APP: variants seen among roughly 807,000 people sequenced by gnomAD.
APP encodes the protein amyloid-beta precursor protein.
In APP, 31 loss-of-function variants were observed where a neutral mutation model predicts 101.4. The ratio of observed to expected loss-of-function variants is 0.31; its 90% CI spans 0.23 to 0.41. The LOEUF is 0.41. APP is among the 10% of genes least tolerant of loss of function. The pLI, the probability that APP is intolerant of heterozygous loss-of-function variation, is 1.00. For missense variants in APP, 839 were observed against 1,003.7 expected, an observed-to-expected ratio of 0.84 and a Z score of 2.22; for synonymous variants, 366 against 364.4, an observed-to-expected ratio of 1.00 and a Z score of -0.05.
intron 11 of APP, among the ~76,000 whole-genome samples, chr21:25,974,309 A>T (rs1327851954): frequency 2.0e-5 from 3 of 152,134 alleles, no homozygotes; most frequent in Admixed American, 6.5e-5. Context: ...GTTACTTCTA[A>T]AATCCTTTGC....
intron 1 of APP, among the ~76,000 whole-genome samples, chr21:26,132,865 T>A (rs560340955): frequency 1.3e-5 from 2 of 152,328 alleles, no homozygotes; most frequent in East Asian, 3.9e-4. Flanking sequence ...GGGTAAGTGA[T>A]CTTCCTAGTG....
chr21:25,898,960 G>C (rs2038260925), intron 15 of APP, among the ~76,000 whole-genome samples: 1 of 152,168 alleles, frequency 6.6e-6, no homozygotes, highest in Admixed American at 6.5e-5. Flanking sequence ...GCCAGTCTAA[G>C]AGCACAGCCT....
intron 9 of APP, among the ~76,000 whole-genome samples, chr21:25,977,699 A>C (rs1042765624): frequency 6.6e-6 from 1 of 152,250 alleles, no homozygotes; most frequent in African/African-American, 2.4e-5. Context: ...ACACTTGAAA[A>C]GCATATCAAA....
chr21:26,095,929 T>G (rs1170155151), intron 2 of APP, among the ~76,000 whole-genome samples: 1 of 152,232 alleles, frequency 6.6e-6, no homozygotes, highest in African/African-American at 2.4e-5. Flanking sequence ...TTTCCTTGAT[T>G]TTCCTTTTTA....
At chr21:26,147,737 G>A (rs1378266800) in intron 1 of APP, among the ~76,000 whole-genome samples, 2 of 151,974 alleles carry the variant, frequency 1.3e-5, no homozygotes, top group Non-Finnish European at 2.9e-5. Context: ...GCAGCTACAG[G>A]ATGTGGGTGT....
At chr21:25,974,447 G>C (rs1017738557) in intron 11 of APP, among the ~76,000 whole-genome samples, 2 of 152,078 alleles carry the variant, frequency 1.3e-5, no homozygotes, top group African/African-American at 2.4e-5. Flanking sequence ...CTTCAAGATT[G>C]ACATTAGTAC....
At chr21:25,973,727 G>A (rs1257230925) in intron 11 of APP, among the ~76,000 whole-genome samples, 3 of 152,026 alleles carry the variant, frequency 2.0e-5, no homozygotes, top group Non-Finnish European at 4.4e-5. Context: ...TGGATCACCT[G>A]AGGTCAGGAG....
chr21:25,901,001 A>AAAAAAT (rs2038429505), intron 15 of APP, among the ~76,000 whole-genome samples: 1 of 106,606 alleles, frequency 9.4e-6, no homozygotes, highest in Non-Finnish European at 2.2e-5. Context: ...AAAAAAAAAA[A>AAAAAAT]AAAGAATGAG....
At chr21:25,888,078 G>T (rs115802276) in intron 17 of APP, among the ~76,000 whole-genome samples, 1 of 152,076 alleles carries the variant, frequency 6.6e-6, no homozygotes, top group Non-Finnish European at 1.5e-5. Context: ...CAGGCACGAT[G>T]GTATGTAAGT....
chr21:26,020,779 A>C (rs914386892), intron 6 of APP, among the ~76,000 whole-genome samples: 7 of 152,184 alleles, frequency 4.6e-5, no homozygotes, highest in African/African-American at 1.7e-4. Context: ...ACTCAATCCA[A>C]CAGTTTACTC....
intron 9 of APP, among the ~76,000 whole-genome samples, chr21:25,979,810 C>A (rs55929169): frequency 1 from 151,874 of 151,876 alleles, 75,936 homozygotes; most frequent in Non-Finnish European, 1. Flanking sequence ...AAAAAACACA[C>A]ATTAAAAAAA....
At chr21:26,026,849 G>GTC (rs1184181207) in intron 5 of APP, among the ~76,000 whole-genome samples, 2 of 152,172 alleles carry the variant, frequency 1.3e-5, no homozygotes, top group Non-Finnish European at 2.9e-5. Context: ...TATGGACTTT[G>GTC]GGTGATAATA....
chr21:26,114,844 CA>C (rs1343596578), intron 1 of APP, among the ~76,000 whole-genome samples: 3 of 152,032 alleles, frequency 2.0e-5, no homozygotes, highest in African/African-American at 7.3e-5. Context: ...ATTTTTTAAA[CA>C]TTTTTTTCAA....
chr21:25,942,134 T>G (rs941166784), intron 13 of APP: 5 of 152,200 alleles, frequency 3.3e-5, no homozygotes, highest in African/African-American at 1.2e-4. Context: ...TATTTAAGGG[T>G]GTGGAGTCTT....
At chr21:26,000,214 A>G (rs199541392) in intron 6 of APP, 32 bp from the exon 7 acceptor site, 10 of 1,612,508 alleles carry the variant, frequency 6.2e-6, no homozygotes, top group Non-Finnish European at 8.5e-6. Flanking sequence ...AACCACATTT[A>G]GCATGAAAAG....
intron 13 of APP, among the ~76,000 whole-genome samples, chr21:25,925,202 G>GC (rs5843183): frequency 1 from 152,210 of 152,210 alleles, 76,105 homozygotes; most frequent in Non-Finnish European, 1. Flanking sequence ...TAGGCATTTT[G>GC]CCACACCAGG....
chr21:25,984,114 C>G (rs1055216085), intron 8 of APP, among the ~76,000 whole-genome samples: 5 of 152,080 alleles, frequency 3.3e-5, no homozygotes, highest in African/African-American at 1.2e-4. Context: ...AGTGGCCTTC[C>G]CTCCTCCTCT....
At chr21:26,027,401 A>T (rs1051784113) in intron 5 of APP, among the ~76,000 whole-genome samples, 5 of 152,226 alleles carry the variant, frequency 3.3e-5, no homozygotes, top group Non-Finnish European at 7.3e-5. Context: ...TCTAAACTGG[A>T]AGGTACAATG....
intron 8 of APP, among the ~76,000 whole-genome samples, chr21:25,990,291 C>G (rs2042808637): frequency 6.6e-6 from 1 of 152,162 alleles, no homozygotes. Flanking sequence ...TGGACACATA[C>G]TGACATGGGA....
Sources: gnomAD v4.1 joint callset for allele counts (sites outside exome capture counted in the v4.1 genomes callset) on GRCh38, gnomAD v4.1.1 for gene constraint, MANE v1.5 for transcripts, NCBI Gene and HGNC (gene_info 2026-07-23, HGNC 2026-07-21) for gene names.